Variants in ABCE1 observed in about 807,000 individuals in gnomAD.
The protein encoded by ABCE1 is ATP-binding cassette sub-family E member 1.
In ABCE1, 22 loss-of-function variants were observed where a neutral mutation model predicts 83.4. The observed-to-expected ratio is 0.26, with a 90% CI of 0.19 to 0.38. The LOEUF is 0.38. ABCE1 is among the 10% of genes least tolerant of loss of function. The probability of loss-of-function intolerance (pLI) is 1.00; values close to 1 mark genes in which losing one functional copy is unlikely to be tolerated. For synonymous variants in ABCE1, 204 were observed against 233.7 expected (o/e 0.87, Z 1.16); for missense variants, 330 against 721.9 (o/e 0.46, Z 6.22).
Position 145,127,884 on chromosome 4 carries a change from G to T in ABCE1, c.*311G>T, listed in dbSNP as rs1749936216. On this transcript the variant is annotated 3_prime_UTR_variant, in exon 18 of 18. Coordinates refer to ENST00000296577, the MANE Select transcript of ABCE1 (RefSeq NM_002940.3). Reference sequence around the variant, plus strand: ...TTTCAGTAGGTGTATTATATTCACGGTACCAAATGCTGACCAGTGTTGCTC... The same window carrying T: ...TTTCAGTAGGTGTATTATATTCACGTTACCAAATGCTGACCAGTGTTGCTC... 4.7e-6 allele frequency: 1 copy of T among 211,060 alleles called. No individual in the cohort carries two copies. The highest frequency in any genetic ancestry group is 2.3e-5 in the African/African-American group (1 of 42,724). 13.1% of individuals were successfully genotyped at this position (211,060 alleles called of 1,614,324 possible).
At position 145,118,415 on chromosome 4, in the gene ABCE1, G is replaced by T. The variant is rs373336634; in HGVS notation, c.922+1001G>T. Among the ~76,000 whole-genome samples, 6 of 151,758 alleles carry T rather than the reference G, an allele frequency of 4.0e-5. 1 individual carries two copies. ...ATTAAGATGTGGGGAAGAAATGGTT[G>T]TAACTTACCTACTTATACATTTGAG... is the stretch of plus-strand genomic sequence containing the variant. On this transcript the variant is annotated intron_variant, in intron 10 of 17. Transcript: ENST00000296577.
At chr4:145,110,901 A>G (rs1042487416) in intron 7 of ABCE1, 67 bp from the exon 8 acceptor site, 9 of 988,830 alleles carry the variant, frequency 9.1e-6, no homozygotes, top group Admixed American at 2.4e-5. Context: ...AAATGATGAC[A>G]TGCAGTATAC....
intron 9 of ABCE1, among the ~76,000 whole-genome samples, chr4:145,116,540 CATATG>C (rs1315412807): frequency 1.3e-5 from 2 of 151,896 alleles, no homozygotes; most frequent in Non-Finnish European, 2.9e-5. Flanking sequence ...ATTAATTTGA[CATATG>C]AGATGTTTGC....
intron 9 of ABCE1, among the ~76,000 whole-genome samples, chr4:145,113,650 A>G (rs1749538881): frequency 6.6e-6 from 1 of 152,190 alleles, no homozygotes; most frequent in Non-Finnish European, 1.5e-5. Flanking sequence ...TTTAGGTGAC[A>G]TTCTAAGGGC....
Position 145,116,014 on chromosome 4 carries a change from G to A in ABCE1, c.801-1279G>A, listed in dbSNP as rs566840752. Among the ~76,000 whole-genome samples, 3 of 152,000 alleles carry A rather than the reference G, an allele frequency of 2.0e-5. No individual in the cohort carries two copies. In the South Asian group the frequency reaches 6.2e-4, roughly 31 times the overall value. ...CAAGAGTGAGGGGGAAAGCTCATTT[G>A]CATATTAGGAAAAGTATTCCCATAG... On this transcript the variant is annotated intron_variant, in intron 9 of 17. Coordinates refer to ENST00000296577, the MANE Select transcript of ABCE1 (RefSeq NM_002940.3).
intron 17 of ABCE1, 59 bp from the exon 18 acceptor site, chr4:145,127,464 TCTA>T (rs1424988902): frequency 5.6e-6 from 8 of 1,436,210 alleles, no homozygotes; most frequent in Non-Finnish European, 7.7e-6. Context: ...TGAGTGAAAG[TCTA>T]CTTTTACCTA....
intron 8 of ABCE1, among the ~76,000 whole-genome samples, chr4:145,112,024 C>G (rs1044434906): frequency 6.6e-6 from 1 of 152,166 alleles, no homozygotes; most frequent in African/African-American, 2.4e-5. Context: ...CTCACCAGAC[C>G]TGGTGTGTAA....
intron 17 of ABCE1, 108 bp downstream of exon 17, chr4:145,125,209 G>T: frequency 1.3e-6 from 1 of 768,694 alleles, no homozygotes; most frequent in South Asian, 2.1e-5. Flanking sequence ...GCTCACACCT[G>T]TGATTCAAGC....
At chr4:145,126,900 G>C (rs1201275443) in intron 17 of ABCE1, among the ~76,000 whole-genome samples, 1 of 151,976 alleles carries the variant, frequency 6.6e-6, no homozygotes, top group Non-Finnish European at 1.5e-5. Flanking sequence ...TAAAATTGAA[G>C]AGTTTTCTCA....
At chr4:145,116,679 A>C (rs1749614214) in intron 9 of ABCE1, among the ~76,000 whole-genome samples, 1 of 151,968 alleles carries the variant, frequency 6.6e-6, no homozygotes, top group South Asian at 2.1e-4. Flanking sequence ...GTATCACTTC[A>C]TTCAAATATA....
chr4:145,118,203 T>C (rs565223599), intron 10 of ABCE1, among the ~76,000 whole-genome samples: 2 of 151,484 alleles, frequency 1.3e-5, no homozygotes, highest in African/African-American at 4.8e-5. Context: ...GAAAAATTCA[T>C]GTAGCCTGTA....
intron 13 of ABCE1, chr4:145,122,146 T>C (rs551904470): frequency 6.6e-6 from 1 of 152,366 alleles, no homozygotes; most frequent in South Asian, 2.1e-4. Context: ...CTTGAAACCA[T>C]TCTGTTAAAG....
At chr4:145,118,276 A>C (rs1749657021) in intron 10 of ABCE1, among the ~76,000 whole-genome samples, 1 of 146,796 alleles carries the variant, frequency 6.8e-6, no homozygotes, top group Non-Finnish European at 1.5e-5. Context: ...TTAATCTTGG[A>C]GGAATCTTTT....
At chr4:145,123,154 A>T (rs1579223169) in intron 14 of ABCE1, 23 bp downstream of exon 14, 1 of 1,578,734 alleles carries the variant, frequency 6.3e-7, no homozygotes, top group South Asian at 1.2e-5. Flanking sequence ...AATTTTTTTT[A>T]TTTTTTTATT....
chr4:145,118,495 T>C lies in ABCE1; in HGVS notation c.922+1081T>C, dbSNP rs567852885. On this transcript the variant is annotated intron_variant, in intron 10 of 17. Transcript: ENST00000296577. ...AGTTACCTAGTTTTCTTGCCAGTAG[T>C]CTTAAGGGATGACATCAGAACAAAT... 2.0e-5 allele frequency among the ~76,000 whole-genome samples: 3 copies of C among 151,856 alleles called. No individual in the cohort carries two copies. The South Asian group carries it at 6.2e-4, about 32-fold the overall frequency.
intron 1 of ABCE1, among the ~76,000 whole-genome samples, chr4:145,099,282 T>C (rs1325154030): frequency 6.6e-6 from 1 of 152,236 alleles, no homozygotes; most frequent in Non-Finnish European, 1.5e-5. Flanking sequence ...TAAAAATCTA[T>C]AAGAGGAAGA....
intron 1 of ABCE1, 87 bp downstream of exon 1, chr4:145,098,506 G>A (rs879741590): frequency 6.6e-6 from 1 of 152,388 alleles, no homozygotes; most frequent in Non-Finnish European, 1.5e-5. Context: ...AGAGCCTTTG[G>A]TTAGGCCTTA....
chr4:145,102,916 A>G lies in ABCE1; in HGVS notation c.-27-1470A>G, dbSNP rs1004054395. Reference sequence around the variant, plus strand: ...AAAAAATGAATGGCTGTGGTAAGGTAGAAGACAAGCTGTTTGAGGAGAGGG... The same window carrying G: ...AAAAAATGAATGGCTGTGGTAAGGTGGAAGACAAGCTGTTTGAGGAGAGGG... On this transcript the variant is annotated intron_variant, in intron 1 of 17. Coordinates refer to ENST00000296577, the MANE Select transcript of ABCE1 (RefSeq NM_002940.3). 2.0e-5 allele frequency among the ~76,000 whole-genome samples: 3 copies of G among 152,192 alleles called. No individual in the cohort carries two copies. The East Asian group carries it at 5.8e-4, about 29-fold the overall frequency.
chr4:145,115,545 T>C (rs150848452), intron 9 of ABCE1, among the ~76,000 whole-genome samples: 3 of 152,086 alleles, frequency 2.0e-5, no homozygotes, highest in African/African-American at 7.2e-5. Context: ...TGTTACTTTT[T>C]TTTTCTTGCC....
Sources: allele counts gnomAD v4.1 joint callset (sites outside exome capture counted in the v4.1 genomes callset), GRCh38; gene constraint gnomAD v4.1.1; transcripts MANE v1.5; gene names NCBI Gene and HGNC (gene_info 2026-07-23, HGNC 2026-07-21).